Variants in PHC2 observed in about 807,000 individuals in gnomAD.
PHC2 encodes polyhomeotic homolog 2.
PHC2 carries 29 observed loss-of-function variants against 87.4 expected under a neutral mutation model. The ratio of observed to expected loss-of-function variants is 0.33; its 90% CI spans 0.25 to 0.45. The LOEUF (loss-of-function observed/expected upper bound fraction) is 0.45, where lower values mean the gene tolerates loss of function less well. PHC2 is among the 20% of genes least tolerant of loss of function. The pLI, the probability that PHC2 is intolerant of heterozygous loss-of-function variation, is 1.00. For missense variants in PHC2, 857 were observed against 1,136.7 expected (o/e 0.75, Z 3.54); for synonymous variants, 438 against 461.7 (o/e 0.95, Z 0.66).
intron 1 of PHC2, among the ~76,000 whole-genome samples, chr1:33,429,836 C>G (rs12025759): frequency 0.17 from 26,198 of 152,238 alleles, 2,788 homozygotes; most frequent in South Asian, 0.27. Flanking sequence ...TCAATTGTAA[C>G]CGCATTTTCT....
intron 1 of PHC2, among the ~76,000 whole-genome samples, chr1:33,411,817 C>T (rs1286754960): frequency 4.6e-5 from 7 of 152,160 alleles, no homozygotes; most frequent in Admixed American, 2.6e-4. Context: ...CCTCGGCCTC[C>T]CAAAGTGCTG....
At chr1:33,410,529 C>T (rs1260862498) in intron 1 of PHC2, among the ~76,000 whole-genome samples, 1 of 152,214 alleles carries the variant, frequency 6.6e-6, no homozygotes, top group Non-Finnish European at 1.5e-5. Context: ...GGAAATGTAG[C>T]TTTGCAAATG....
At position 33,364,122 on chromosome 1, in the gene PHC2, G is replaced by T. The variant is rs1184300785; in HGVS notation, c.976+2994C>A. ...GCAGGGAGCTTGCCATGGGGGAGGG[G>T]CTTTGCCCCCAAACAGCTGTCAGTG... On this transcript the variant is annotated intron_variant, in intron 7 of 14. Coordinates refer to ENST00000683057, the MANE Select transcript of PHC2 (RefSeq NM_001385109.1). This position sits in a 1 kb window ranked among gnomAD's most constrained non-coding sequence, Gnocchi z 4.1. 1.3e-5 allele frequency among the ~76,000 whole-genome samples: 2 copies of T among 152,064 alleles called. No individual in the cohort carries two copies. The highest frequency in any genetic ancestry group is 4.8e-5 in the African/African-American group (2 of 41,406).
At chr1:33,381,363 C>G (rs1245361700) in intron 1 of PHC2, among the ~76,000 whole-genome samples, 1 of 152,148 alleles carries the variant, frequency 6.6e-6, no homozygotes, top group Non-Finnish European at 1.5e-5. Flanking sequence ...AAAGCTTAAT[C>G]TCTACCTCAT....
intron 9 of PHC2, chr1:33,350,586 C>T (rs1646953048): frequency 6.6e-6 from 1 of 152,366 alleles, no homozygotes; most frequent in South Asian, 2.1e-4. Flanking sequence ...CTCAGGAGCG[C>T]GAGGCGCAGG....
chr1:33,379,318 CTGCCCCCCTG>C (rs1648352758), intron 1 of PHC2, among the ~76,000 whole-genome samples: 5 of 51,562 alleles, frequency 9.7e-5, no homozygotes, highest in African/African-American at 3.8e-4. Flanking sequence ...CACCCCCCCA[CTGCCCCCCTG>C]CCCCCCACCC....
At chr1:33,374,955 C>A (rs905456433) in intron 2 of PHC2, among the ~76,000 whole-genome samples, 1 of 152,158 alleles carries the variant, frequency 6.6e-6, no homozygotes, top group African/African-American at 2.4e-5. Flanking sequence ...TGACATTTGC[C>A]AACTGCTGCT....
At chr1:33,383,622 A>G (rs1357363031) in intron 1 of PHC2, among the ~76,000 whole-genome samples, 1 of 152,226 alleles carries the variant, frequency 6.6e-6, no homozygotes, top group African/African-American at 2.4e-5. Context: ...TGAAAGCCAC[A>G]CTGTGCAGAT....
chr1:33,368,547 T>G lies in PHC2; in HGVS notation c.652A>C (p.Thr218Pro), dbSNP rs2148320926. 6.6e-7 allele frequency: 1 copy of G among 1,509,448 alleles called. No individual in the cohort carries two copies. The highest frequency in any genetic ancestry group is 9.0e-7 in the Non-Finnish European group (1 of 1,115,828). 93.5% of individuals were successfully genotyped at this position (1,509,448 alleles called of 1,614,324 possible). A position where few individuals can be genotyped will look rare whatever the true frequency, so the allele number is the denominator to read the frequency against. Reference protein sequence around the residue: ...LGTGSPARPPTPAQVQNLTLR... With the variant: ...LGTGSPARPPPPAQVQNLTLR... ...CATGGAGTCCTCACCTGGGCGGGGG[T>G]GGGGGGCCGGGCGGGGGAGCCAGTG... Residue 218 changes from threonine to proline, a missense_variant, in exon 6 of 15, where the codon ACC becomes CCC. This residue lies in a region of PHC2 where 832 missense variants were observed against 1,081.8 expected (regional missense o/e 0.77). Coordinates refer to ENST00000683057, the MANE Select transcript of PHC2 (RefSeq NM_001385109.1). This position sits in a 1 kb window ranked among gnomAD's most constrained non-coding sequence, Gnocchi z 6.6.
intron 1 of PHC2, among the ~76,000 whole-genome samples, chr1:33,427,218 A>T (rs756619403): frequency 1.6e-4 from 25 of 152,252 alleles, no homozygotes; most frequent in Non-Finnish European, 2.8e-4. Context: ...CAGAATGTAT[A>T]CAAAGAGCTT....
At chr1:33,428,623 G>C (rs1650777576) in intron 1 of PHC2, among the ~76,000 whole-genome samples, 1 of 152,226 alleles carries the variant, frequency 6.6e-6, no homozygotes, top group African/African-American at 2.4e-5. Context: ...AGGCTGGCTA[G>C]TTGATGGCTA....
At chr1:33,328,050 C>A (rs946168247) in intron 14 of PHC2, among the ~76,000 whole-genome samples, 1 of 152,262 alleles carries the variant, frequency 6.6e-6, no homozygotes, top group Non-Finnish European at 1.5e-5. Flanking sequence ...CTTAACCACA[C>A]TGCAGTCTCT....
chr1:33,393,887 G>A (rs1357054499), intron 1 of PHC2, among the ~76,000 whole-genome samples: 1 of 152,066 alleles, frequency 6.6e-6, no homozygotes, highest in African/African-American at 2.4e-5. Flanking sequence ...AATTATACTC[G>A]AATCATTAAA....
intron 1 of PHC2, among the ~76,000 whole-genome samples, chr1:33,395,479 T>C (rs1649257235): frequency 6.6e-6 from 1 of 151,064 alleles, no homozygotes; most frequent in African/African-American, 2.4e-5. Flanking sequence ...TAAATAAATA[T>C]TGAACTCTAG....
intron 4 of PHC2, 148 bp from the exon 5 acceptor site, chr1:33,370,733 C>A: frequency 1.3e-6 from 1 of 788,564 alleles, no homozygotes; most frequent in Non-Finnish European, 2.0e-6. Flanking sequence ...TTGGAGCAAT[C>A]CCCCAGCCCT....
intron 1 of PHC2, among the ~76,000 whole-genome samples, chr1:33,422,563 G>C (rs746333382): frequency 6.6e-6 from 1 of 152,142 alleles, no homozygotes; most frequent in Non-Finnish European, 1.5e-5. Context: ...ATTTTTGGCT[G>C]GTTATACAAT....
intron 1 of PHC2, among the ~76,000 whole-genome samples, chr1:33,379,031 G>A (rs746138701): frequency 6.6e-6 from 1 of 151,842 alleles, no homozygotes; most frequent in Non-Finnish European, 1.5e-5. Context: ...AGCAGCTAGG[G>A]CAGACACTGT....
At chr1:33,370,381 C>T (rs1368411122) in intron 5 of PHC2, 40 bp downstream of exon 5, 1 of 1,587,858 alleles carries the variant, frequency 6.3e-7, no homozygotes, top group Non-Finnish European at 8.6e-7. Flanking sequence ...CTCTGTCCTC[C>T]TGGTGCCTCT....
intron 1 of PHC2, among the ~76,000 whole-genome samples, chr1:33,421,869 C>A (rs12731323): frequency 6.6e-6 from 1 of 151,990 alleles, no homozygotes; most frequent in African/African-American, 2.4e-5. Flanking sequence ...CCCAAACCAC[C>A]CTTCACATTG....
Sources: allele counts gnomAD v4.1 joint callset (sites outside exome capture counted in the v4.1 genomes callset), GRCh38; gene constraint gnomAD v4.1.1; regional missense constraint gnomAD v4.1.1; non-coding constraint Gnocchi (gnomAD v3.1); transcripts MANE v1.5; gene names NCBI Gene and HGNC (gene_info 2026-07-23, HGNC 2026-07-21).